Variants in GRID2 observed in about 807,000 individuals in gnomAD.
GRID2 encodes glutamate receptor ionotropic, delta-2.
Under a neutral mutation model 114.8 loss-of-function variants are expected in GRID2, and 33 were observed. That is an observed-to-expected ratio of 0.29 (90% CI 0.22 to 0.38). GRID2 has a LOEUF of 0.38. Among genes scored for constraint, GRID2 ranks in the 10% least tolerant of loss-of-function variants. The pLI is 1.00. For synonymous variants in GRID2, 505 were observed against 449.9 expected, an observed-to-expected ratio of 1.12 and a Z score of -1.55; for missense variants, 1,184 against 1,257.7, an observed-to-expected ratio of 0.94 and a Z score of 0.89.
chr4:93,690,712 C>G (rs888256437), intron 14 of GRID2, among the ~76,000 whole-genome samples: 1 of 151,632 alleles, frequency 6.6e-6, no homozygotes, highest in Non-Finnish European at 1.5e-5. Flanking sequence ...ACTGAGAAAG[C>G]TGAACTAGAT....
chr4:93,513,811 A>ATTT (rs1394074682), intron 12 of GRID2, among the ~76,000 whole-genome samples: 1 of 152,204 alleles, frequency 6.6e-6, no homozygotes, highest in Non-Finnish European at 1.5e-5. Flanking sequence ...AACATGGCCC[A>ATTT]TAATGTATTG....
intron 2 of GRID2, among the ~76,000 whole-genome samples, chr4:93,079,251 C>A (rs576943547): frequency 6.6e-6 from 1 of 151,842 alleles, no homozygotes; most frequent in Non-Finnish European, 1.5e-5. Context: ...CTTCTCAGTA[C>A]CATTTTGCAG....
intron 2 of GRID2, among the ~76,000 whole-genome samples, chr4:92,779,453 A>G (rs1253623040): frequency 2.0e-5 from 3 of 152,122 alleles, no homozygotes; most frequent in African/African-American, 4.8e-5. Flanking sequence ...AATAACAGCA[A>G]TTTAACTAAA....
At chr4:93,119,146 C>T (rs996532590) in intron 4 of GRID2, among the ~76,000 whole-genome samples, 3 of 152,100 alleles carry the variant, frequency 2.0e-5, no homozygotes, top group African/African-American at 7.2e-5. Context: ...ACACTTAGTG[C>T]TCCACCTCTC....
At chr4:92,599,711 A>C (rs1729110448) in intron 2 of GRID2, among the ~76,000 whole-genome samples, 1 of 152,080 alleles carries the variant, frequency 6.6e-6, no homozygotes, top group Admixed American at 6.6e-5. Context: ...ATATACATTA[A>C]AATGTCTACT....
At chr4:93,288,876 G>C (rs535174157) in intron 8 of GRID2, among the ~76,000 whole-genome samples, 4 of 152,242 alleles carry the variant, frequency 2.6e-5, no homozygotes, top group South Asian at 2.1e-4. Context: ...GTTAAAGTGA[G>C]AAGTAGTTTC....
chr4:93,432,667 C>G (rs143935946), intron 10 of GRID2, among the ~76,000 whole-genome samples: 1 of 152,258 alleles, frequency 6.6e-6, no homozygotes, highest in African/African-American at 2.4e-5. Context: ...GGATGATACT[C>G]TAATGATGGA....
chr4:93,030,605 G>C (rs771639275), intron 2 of GRID2, among the ~76,000 whole-genome samples: 2 of 151,684 alleles, frequency 1.3e-5, no homozygotes, highest in African/African-American at 4.8e-5. Flanking sequence ...GGCTGGTCTC[G>C]AACTCCTGAC....
At chr4:92,411,647 GTGTGTGTGTA>G (rs1731314835) in intron 1 of GRID2, among the ~76,000 whole-genome samples, 3 of 87,272 alleles carry the variant, frequency 3.4e-5, no homozygotes, top group Admixed American at 1.0e-4. Context: ...GTGTGTGTGT[GTGTGTGTGTA>G]TATATATATA....
chr4:93,597,127 G>A lies in GRID2; in HGVS notation c.2194-29142G>A, dbSNP rs531078432. ...AAATATGTTTCAAAAAGATGTGTTA[G>A]TTTTGTTTAGGTAAACATTGGATTC... On this transcript the variant is annotated intron_variant, in intron 13 of 15. Transcript: ENST00000282020. Among the ~76,000 whole-genome samples, 4 of 152,256 alleles carry A rather than the reference G, an allele frequency of 2.6e-5. No homozygotes were observed. In the East Asian group the frequency reaches 7.7e-4, roughly 29 times the overall value.
At chr4:92,985,323 C>A (rs1272350361) in intron 2 of GRID2, among the ~76,000 whole-genome samples, 2 of 151,576 alleles carry the variant, frequency 1.3e-5, no homozygotes, top group Non-Finnish European at 2.9e-5. Flanking sequence ...TCCCGGGTTC[C>A]CGCCATTCTT....
chr4:93,379,215 G>T (rs776581406), intron 8 of GRID2, among the ~76,000 whole-genome samples: 2 of 151,816 alleles, frequency 1.3e-5, no homozygotes, highest in Admixed American at 1.3e-4. Context: ...AGTTTATTCC[G>T]TCACTTTACT....
chr4:93,038,669 T>A (rs981389551), intron 2 of GRID2, among the ~76,000 whole-genome samples: 1 of 152,066 alleles, frequency 6.6e-6, no homozygotes, highest in African/African-American at 2.4e-5. Flanking sequence ...TGGGCACCTG[T>A]AGTCCCAGCT....
intron 3 of GRID2, among the ~76,000 whole-genome samples, chr4:93,107,365 G>A (rs140729300): frequency 7.9e-5 from 12 of 152,114 alleles, no homozygotes; most frequent in African/African-American, 2.6e-4. Flanking sequence ...AAATGTTACA[G>A]TCACATATCT....
intron 1 of GRID2, among the ~76,000 whole-genome samples, chr4:93,782,465 G>A (rs908473733): frequency 1.3e-5 from 2 of 152,130 alleles, no homozygotes; most frequent in African/African-American, 2.4e-5. Flanking sequence ...GCTTCAACGT[G>A]AGAGTTCAGA....
chr4:93,202,048 T>C (rs1742163951), intron 4 of GRID2, among the ~76,000 whole-genome samples: 1 of 152,184 alleles, frequency 6.6e-6, no homozygotes, highest in Non-Finnish European at 1.5e-5. Context: ...GAACATGTCA[T>C]GCTCTTTTTA....
intron 13 of GRID2, among the ~76,000 whole-genome samples, chr4:93,554,663 G>C (rs1409571440): frequency 6.6e-6 from 1 of 152,082 alleles, no homozygotes; most frequent in Non-Finnish European, 1.5e-5. Flanking sequence ...GTGCAGTGAT[G>C]CAATCCTAGC....
chr4:93,008,189 C>T (rs1272135884), intron 2 of GRID2, among the ~76,000 whole-genome samples: 1 of 150,846 alleles, frequency 6.6e-6, no homozygotes, highest in Non-Finnish European at 1.5e-5. Context: ...TGATGGTACT[C>T]TCTGCAAAAT....
chr4:93,395,550 G>T, intron 8 of GRID2, 57 bp from the exon 9 acceptor site: 1 of 785,724 alleles, frequency 1.3e-6, no homozygotes, highest in South Asian at 1.4e-5. Context: ...AGACTATACA[G>T]AGGTGATGGG....
Sources: allele counts gnomAD v4.1 joint callset (sites outside exome capture counted in the v4.1 genomes callset), GRCh38; gene constraint gnomAD v4.1.1; transcripts MANE v1.5; gene names NCBI Gene and HGNC (gene_info 2026-07-23, HGNC 2026-07-21).